The following SMYD3 variants were observed in gnomAD, a reference collection of about 807,000 sequenced individuals.
SMYD3 encodes SET and MYND domain containing 3.
In SMYD3, 36 loss-of-function variants were observed where a neutral mutation model predicts 57.7. That is an observed-to-expected ratio of 0.62 (90% CI 0.48 to 0.82). The LOEUF (loss-of-function observed/expected upper bound fraction) is 0.82, where lower values mean the gene tolerates loss of function less well. Ranked by LOEUF, SMYD3 falls within the 40% of genes least tolerant of loss-of-function variation. The pLI is 0.00. For synonymous variants in SMYD3, 211 were observed against 195.0 expected (o/e 1.08, Z -0.68); for missense variants, 515 against 538.8 (o/e 0.96, Z 0.44).
chr1:245,984,157 G>T (rs1432271528), intron 5 of SMYD3, among the ~76,000 whole-genome samples: 1 of 151,768 alleles, frequency 6.6e-6, no homozygotes, highest in African/African-American at 2.4e-5. Flanking sequence ...CTGCCACCAC[G>T]CCCGGGTAAT....
intron 8 of SMYD3, among the ~76,000 whole-genome samples, chr1:245,876,407 T>C (rs2148532438): frequency 6.6e-6 from 1 of 152,360 alleles, no homozygotes; most frequent in Non-Finnish European, 1.5e-5. Flanking sequence ...ATGCACAGTC[T>C]GGGCCAAGGA....
At chr1:246,100,226 G>C (rs913037590) in intron 5 of SMYD3, among the ~76,000 whole-genome samples, 1 of 152,130 alleles carries the variant, frequency 6.6e-6, no homozygotes, top group Non-Finnish European at 1.5e-5. Flanking sequence ...ACAAAAAAAA[G>C]TTTATTTTAG....
intron 10 of SMYD3, among the ~76,000 whole-genome samples, chr1:245,790,302 C>A (rs1241407286): frequency 2.6e-5 from 4 of 152,186 alleles, no homozygotes; most frequent in Admixed American, 6.5e-5. Context: ...AGTGTCCCAA[C>A]TATAGAAGGA....
chr1:245,997,397 G>A (rs1040668515), intron 5 of SMYD3, among the ~76,000 whole-genome samples: 3 of 152,218 alleles, frequency 2.0e-5, no homozygotes, highest in African/African-American at 4.8e-5. Flanking sequence ...ATTTCAGCAC[G>A]CTTGCTGCTG....
At chr1:246,083,414 C>G (rs2060673130) in intron 5 of SMYD3, among the ~76,000 whole-genome samples, 1 of 152,198 alleles carries the variant, frequency 6.6e-6, no homozygotes, top group African/African-American at 2.4e-5. Flanking sequence ...TGCAGACCCT[C>G]TCCCCACTAT....
chr1:245,931,587 G>A (rs565392960), intron 5 of SMYD3, among the ~76,000 whole-genome samples: 5 of 152,184 alleles, frequency 3.3e-5, no homozygotes, highest in Admixed American at 6.5e-5. Flanking sequence ...GAGGAGTTGC[G>A]CCTAGAGATA....
chr1:246,278,478 A>T (rs987254836), intron 5 of SMYD3, among the ~76,000 whole-genome samples: 3 of 152,200 alleles, frequency 2.0e-5, no homozygotes, highest in Non-Finnish European at 4.4e-5. Context: ...CTTCTTGCTG[A>T]CTTAATAAAG....
chr1:245,813,867 T>G (rs1252544631), intron 10 of SMYD3, among the ~76,000 whole-genome samples: 31 of 424 alleles, frequency 0.073, 1 homozygote, highest in African/African-American at 0.12. Flanking sequence ...GCCCTATATA[T>G]ATATATATAT....
At chr1:246,502,331 C>G (rs1218139357) in intron 1 of SMYD3, among the ~76,000 whole-genome samples, 1 of 151,994 alleles carries the variant, frequency 6.6e-6, no homozygotes, top group Non-Finnish European at 1.5e-5. Flanking sequence ...AGGGTTTTGC[C>G]ATGTCGCACA....
chr1:246,354,132 G>C (rs1453805805), intron 2 of SMYD3, among the ~76,000 whole-genome samples: 1 of 152,120 alleles, frequency 6.6e-6, no homozygotes, highest in African/African-American at 2.4e-5. Context: ...GAAACAAAAA[G>C]GATGAGTGGA....
intron 5 of SMYD3, among the ~76,000 whole-genome samples, chr1:246,170,162 A>C (rs1162982949): frequency 6.6e-6 from 1 of 152,152 alleles, no homozygotes; most frequent in Admixed American, 6.5e-5. Flanking sequence ...CTCACTATCA[A>C]AAACAATAAT....
chr1:246,405,523 C>A (rs547277192), intron 1 of SMYD3, among the ~76,000 whole-genome samples: 1 of 152,264 alleles, frequency 6.6e-6, no homozygotes, highest in East Asian at 1.9e-4. Context: ...CACAATTAAT[C>A]TGAGATGGTC....
chr1:245,949,809 C>CA lies in SMYD3; in HGVS notation c.532-19873dup, dbSNP rs538555005. Among the ~76,000 whole-genome samples the CA allele has an allele frequency of 4.6e-3, 674 of 145,226 alleles. 4 individuals carry two copies. The highest frequency in any genetic ancestry group is 0.016 in the African/African-American group (645 of 40,428). On this transcript the variant is annotated intron_variant, in intron 5 of 11. Transcript: ENST00000490107. ...GGGCAACAGAGTGAGACCCTGTCTCCAAAAAAAAGAAACCCACCCCCCCCA... is the reference window on the plus strand; with the variant it reads ...GGGCAACAGAGTGAGACCCTGTCTCCAAAAAAAAAGAAACCCACCCCCCCCA...
chr1:246,125,523 A>T (rs1024273840), intron 5 of SMYD3, among the ~76,000 whole-genome samples: 1 of 128,872 alleles, frequency 7.8e-6, no homozygotes, highest in Non-Finnish European at 1.5e-5. Context: ...AGAGGAATAA[A>T]CAAATAAAAT....
chr1:245,856,103 C>T (rs1005902887), intron 10 of SMYD3, among the ~76,000 whole-genome samples: 3 of 152,210 alleles, frequency 2.0e-5, no homozygotes, highest in Non-Finnish European at 4.4e-5. Flanking sequence ...TTCTCCATTC[C>T]TGCCTTTGTT....
intron 10 of SMYD3, among the ~76,000 whole-genome samples, chr1:245,771,203 A>C (rs1274095332): frequency 6.6e-6 from 1 of 152,168 alleles, no homozygotes; most frequent in Non-Finnish European, 1.5e-5. Context: ...AAAGACAGCA[A>C]GTCACAGATT....
intron 2 of SMYD3, among the ~76,000 whole-genome samples, chr1:246,341,498 G>T (rs1393360038): frequency 6.6e-6 from 1 of 151,956 alleles, no homozygotes; most frequent in Non-Finnish European, 1.5e-5. Flanking sequence ...CATATTTTAT[G>T]ATTTATTCTA....
intron 5 of SMYD3, among the ~76,000 whole-genome samples, chr1:246,104,914 T>C (rs1401584967): frequency 6.6e-6 from 1 of 152,158 alleles, no homozygotes; most frequent in Non-Finnish European, 1.5e-5. Flanking sequence ...AATGAAAATA[T>C]TTTTTATCAG....
chr1:245,977,670 C>G (rs532323327), intron 5 of SMYD3, among the ~76,000 whole-genome samples: 2 of 152,278 alleles, frequency 1.3e-5, no homozygotes, highest in South Asian at 4.2e-4. Flanking sequence ...CGGAGTGAGA[C>G]TGTCTCAGAA....
Sources: gnomAD v4.1 joint callset for allele counts (sites outside exome capture counted in the v4.1 genomes callset) on GRCh38, gnomAD v4.1.1 for gene constraint, MANE v1.5 for transcripts, NCBI Gene and HGNC (gene_info 2026-07-23, HGNC 2026-07-21) for gene names.